The following ZNF624 variants were observed in gnomAD, a reference collection of about 807,000 sequenced individuals.
ZNF624 encodes the protein zinc finger protein 624.
In ZNF624, 43 loss-of-function variants were observed where a neutral mutation model predicts 74.7. The ratio of observed to expected loss-of-function variants is 0.58; its 90% CI spans 0.45 to 0.74. ZNF624 has a LOEUF of 0.74. Ranked by LOEUF, ZNF624 falls within the 30% of genes least tolerant of loss-of-function variation. The pLI is 0.00. For missense variants in ZNF624, 820 were observed against 1,030.0 expected (o/e 0.80, Z 2.79); for synonymous variants, 331 against 341.3 (o/e 0.97, Z 0.33).
downstream of ZNF624, among the ~76,000 whole-genome samples, chr17:16,615,748 T>C (rs73275214): frequency 5.9e-4 from 90 of 151,924 alleles, no homozygotes; most frequent in African/African-American, 2.1e-3. Context: ...GGCAAGGATG[T>C]CTACAAATCC....
Position 16,647,412 on chromosome 17 carries a change from A to C in ZNF624, c.88-18T>G. On this transcript the variant is annotated intron_variant, in intron 2 of 5. Coordinates refer to ENST00000311331, the MANE Select transcript of ZNF624 (RefSeq NM_020787.4). ...TCAGGGCTCTGATGGGATACAGGAT[A>C]AGATCATTCAGTGATAGGCTGCCTA... 6.2e-7 allele frequency: 1 copy of C among 1,612,404 alleles called. No individual in the cohort carries two copies. Among genetic ancestry groups the C allele is most frequent in the Non-Finnish European group, 8.5e-7 (1 of 1,178,388 alleles).
At chr17:16,617,972 C>T (rs1275063910), downstream of ZNF624, 2 of 740,104 alleles carry the variant, frequency 2.7e-6, no homozygotes, top group Non-Finnish European at 4.7e-6. Flanking sequence ...GGCAAGAGCC[C>T]GAACACGCGC....
chr17:16,618,669 G>A (rs906022583), downstream of ZNF624, among the ~76,000 whole-genome samples: 1 of 144,524 alleles, frequency 6.9e-6, no homozygotes, highest in African/African-American at 2.7e-5. Context: ...GAGACAGCAA[G>A]ACCAACCCCT....
chr17:16,624,539 T>A (rs753348245), intron 5 of ZNF624, 30 bp from the exon 6 acceptor site: 1 of 1,530,498 alleles, frequency 6.5e-7, no homozygotes, highest in Non-Finnish European at 8.7e-7. Flanking sequence ...AATCAAGTAA[T>A]TCCTTTCCTA....
chr17:16,638,696 A>G (rs1004965555), intron 3 of ZNF624, among the ~76,000 whole-genome samples: 10 of 151,118 alleles, frequency 6.6e-5, no homozygotes, highest in Non-Finnish European at 1.5e-4. Flanking sequence ...GGAACATCAC[A>G]CTCCGGGGGA....
chr17:16,619,611 G>A (rs904951585), downstream of ZNF624, among the ~76,000 whole-genome samples: 11 of 152,230 alleles, frequency 7.2e-5, no homozygotes, highest in Non-Finnish European at 1.6e-4. Flanking sequence ...CACTGAGGAA[G>A]TGCAAATTAA....
rs577997624 is a variant in ZNF624 at position 16,639,716 on chromosome 17, T to C, written c.154-4960A>G. On this transcript the variant is annotated intron_variant, in intron 3 of 5. Coordinates refer to ENST00000311331, the MANE Select transcript of ZNF624 (RefSeq NM_020787.4). Reference sequence around the variant, plus strand: ...CACCATGTTAACCAAGCAGATATTTTAGTGGCTATACATGATAAAGAATAC... The same window carrying C: ...CACCATGTTAACCAAGCAGATATTTCAGTGGCTATACATGATAAAGAATAC... Among the ~76,000 whole-genome samples, 153 of 152,340 alleles carry C rather than the reference T, an allele frequency of 1.0e-3. 1 individual carries two copies. The highest frequency in any genetic ancestry group is 3.7e-3 in the African/African-American group (152 of 41,582).
chr17:16,637,612 G>A (rs1909365170), intron 3 of ZNF624, among the ~76,000 whole-genome samples: 1 of 152,130 alleles, frequency 6.6e-6, no homozygotes, highest in Non-Finnish European at 1.5e-5. Flanking sequence ...AACAAGAAAT[G>A]GGGAAAGGAT....
chr17:16,644,163 G>T (rs1909533144), intron 3 of ZNF624, among the ~76,000 whole-genome samples: 1 of 152,160 alleles, frequency 6.6e-6, no homozygotes, highest in South Asian at 2.1e-4. Flanking sequence ...GATACTGGCA[G>T]TATGCTTCTT....
chr17:16,646,693 G>A (rs1909601336), intron 3 of ZNF624, among the ~76,000 whole-genome samples: 1 of 152,138 alleles, frequency 6.6e-6, no homozygotes, highest in Non-Finnish European at 1.5e-5. Flanking sequence ...AAAAATAATT[G>A]CAATGTTTCA....
At chr17:16,652,512 T>C (rs970824043) in intron 1 of ZNF624, among the ~76,000 whole-genome samples, 2 of 152,258 alleles carry the variant, frequency 1.3e-5, no homozygotes, top group Non-Finnish European at 2.9e-5. Flanking sequence ...ATGTAGATTA[T>C]GTAGATTATG....
intron 3 of ZNF624, 54 bp from the exon 4 acceptor site, chr17:16,634,810 C>G: frequency 6.5e-7 from 1 of 1,530,786 alleles, no homozygotes; most frequent in Non-Finnish European, 8.8e-7. Context: ...ACTTGTTAGG[C>G]AGAATTATAC....
In ZNF624 at chr17:16,644,721, A is replaced by C. The variant is rs533680490; in HGVS notation, c.153+2608T>G. ...TTCCACACCTCAAGCTAGAATAGAG[A>C]TACAGATAAAACCAACTGACAAGTT... On this transcript the variant is annotated intron_variant, in intron 3 of 5. Transcript: ENST00000311331. Among the ~76,000 whole-genome samples, 144 of 152,376 alleles carry C rather than the reference A, an allele frequency of 9.5e-4. 1 individual carries two copies. Among genetic ancestry groups the C allele is most frequent in the African/African-American group, 3.3e-3 (139 of 41,590 alleles).
rs370512868 is a variant in ZNF624, at chr17:16,624,435, T to C, written c.451A>G (p.Ile151Val). The C allele has an allele frequency of 4.4e-6, 7 of 1,608,280 alleles. No individual in the cohort carries two copies. Among genetic ancestry groups the C allele is most frequent in the African/African-American group, 4.0e-5 (3 of 74,494 alleles). ...CCATTCTCTGTAAGTTTCTCTAGTA[T>C]GGCCTCCTGTGATAAATCTTCAGAA... Reference protein sequence around the residue: ...AISEDLSQEAILEKLTENGLW... With the variant: ...AISEDLSQEAVLEKLTENGLW... Residue 151 changes from isoleucine to valine, a missense_variant, in exon 6 of 6, where the codon ATA becomes GTA. Coordinates refer to ENST00000311331, the MANE Select transcript of ZNF624 (RefSeq NM_020787.4).
chr17:16,641,875 A>G (rs1909474798), intron 3 of ZNF624, among the ~76,000 whole-genome samples: 1 of 152,240 alleles, frequency 6.6e-6, no homozygotes, highest in Non-Finnish European at 1.5e-5. Context: ...TAACTATTTC[A>G]AAAGGAAATT....
downstream of ZNF624, chr17:16,617,652 C>T: frequency 6.2e-7 from 1 of 1,606,786 alleles, no homozygotes; most frequent in Non-Finnish European, 8.5e-7. Context: ...GTAGCTGTCG[C>T]GATTGCGACG....
chr17:16,649,568 G>A (rs79093745), intron 2 of ZNF624, 90 bp downstream of exon 2: 71,744 of 1,164,918 alleles, frequency 0.062, 2,558 homozygotes, highest in Middle Eastern at 0.092. Flanking sequence ...AAGGGGTGTC[G>A]GGGGAAGTAG....
downstream of ZNF624, chr17:16,617,580 T>C (rs1203430029): frequency 1.9e-5 from 30 of 1,579,474 alleles, no homozygotes; most frequent in Non-Finnish European, 2.6e-5. Context: ...GTGGTCCGTA[T>C]TTGTCTCTGC....
chr17:16,643,677 T>C (rs940550562), intron 3 of ZNF624, among the ~76,000 whole-genome samples: 2 of 151,902 alleles, frequency 1.3e-5, no homozygotes, highest in African/African-American at 4.8e-5. Context: ...ATTAATTACA[T>C]CTTAGTAAAG....
Sources: allele counts gnomAD v4.1 joint callset (sites outside exome capture counted in the v4.1 genomes callset), GRCh38; gene constraint gnomAD v4.1.1; transcripts MANE v1.5; gene names NCBI Gene and HGNC (gene_info 2026-07-23, HGNC 2026-07-21).